The following MACF1 variants were observed in gnomAD, a reference collection of about 807,000 sequenced individuals.
MACF1 encodes the protein microtubule actin crosslinking factor 1.
In MACF1, 193 loss-of-function variants were observed where a neutral mutation model predicts 854.8. The observed-to-expected ratio is 0.23, with a 90% CI of 0.20 to 0.25. The LOEUF (loss-of-function observed/expected upper bound fraction) is 0.25. Ranked by LOEUF, MACF1 falls within the 10% of genes least tolerant of loss-of-function variation. The pLI is 1.00. For missense variants in MACF1, 7,722 were observed against 8,929.1 expected (o/e 0.86, Z 5.45); for synonymous variants, 3,185 against 3,226.7 (o/e 0.99, Z 0.44).
rs115925858 is a variant in MACF1, at chr1:39,210,562, T to C, written c.109+5431T>C. 5.0e-3 allele frequency among the ~76,000 whole-genome samples: 765 copies of C among 152,256 alleles called. 5 individuals carry two copies. Among genetic ancestry groups the C allele is most frequent in the African/African-American group, 0.018 (731 of 41,554 alleles). On this transcript the variant is annotated intron_variant, in intron 1 of 100. Coordinates refer to ENST00000564288, the MANE Select transcript of MACF1 (RefSeq NM_001394062.1). ...TTGTATGGTGTAGTAGAAAAACCAC[T>C]TAACTTGGAATCAGAAGATCTAGGC... is the stretch of plus-strand genomic sequence containing the variant.
intron 38 of MACF1, 48 bp from the exon 39 acceptor site, chr1:39,340,454 A>C: frequency 7.3e-7 from 1 of 1,362,038 alleles, no homozygotes; most frequent in Non-Finnish European, 1.0e-6. Flanking sequence ...TGATTCCCAG[A>C]GGGTTTCTAG....
At chr1:39,458,137 C>G in intron 89 of MACF1, 3 of 433,250 alleles carry the variant, frequency 6.9e-6, no homozygotes, top group Non-Finnish European at 1.2e-5. Context: ...CCCCATAACT[C>G]AATCACATCC....
In MACF1 at chr1:39,381,381, G is replaced by C. The variant is rs866599323; in HGVS notation, c.13649-572G>C. On this transcript the variant is annotated intron_variant, in intron 55 of 100. Coordinates refer to ENST00000564288, the MANE Select transcript of MACF1 (RefSeq NM_001394062.1). ...CTTTTTTTTTTTTTTTTTTTTTTGG[G>C]GGGGGGGACAGGGTCTTGCTCTGTC... 4.3e-3 allele frequency among the ~76,000 whole-genome samples: 606 copies of C among 141,274 alleles called. 4 individuals carry two copies. Among genetic ancestry groups the C allele is most frequent in the African/African-American group, 0.015 (573 of 37,374 alleles). The allele number at this position is 141,274 out of a possible 152,430, so 92.7% of individuals were successfully genotyped here. A position where few individuals can be genotyped will look rare whatever the true frequency, so the allele number is the denominator to read the frequency against.
chr1:39,405,146 T>C (rs779524242), intron 58 of MACF1, among the ~76,000 whole-genome samples: 1 of 152,166 alleles, frequency 6.6e-6, no homozygotes, highest in Non-Finnish European at 1.5e-5. Context: ...AGCATCAAAA[T>C]CCTTAGTATC....
chr1:39,118,801 C>T (rs930402824), intron 2 of MACF1, among the ~76,000 whole-genome samples: 1 of 152,164 alleles, frequency 6.6e-6, no homozygotes, highest in African/African-American at 2.4e-5. Flanking sequence ...GTATTTGTTG[C>T]TGTCGTTAGT....
chr1:39,234,187 T>C (rs1172905804), intron 2 of MACF1, among the ~76,000 whole-genome samples: 1 of 151,778 alleles, frequency 6.6e-6, no homozygotes, highest in African/African-American at 2.4e-5. Context: ...CCATGTCTAC[T>C]TCTTTCTACA....
At chr1:39,200,257 A>G (rs1644372909), upstream of MACF1, among the ~76,000 whole-genome samples, 2 of 152,186 alleles carry the variant, frequency 1.3e-5, no homozygotes, top group African/African-American at 4.8e-5. Flanking sequence ...GTCTCCCTCT[A>G]ATCCACTGAA....
intron 2 of MACF1, among the ~76,000 whole-genome samples, chr1:39,153,114 C>G (rs564243559): frequency 6.6e-6 from 1 of 152,192 alleles, no homozygotes; most frequent in Admixed American, 6.5e-5. Flanking sequence ...CTCTGTTACA[C>G]CTGACTGTTT....
intron 1 of MACF1, among the ~76,000 whole-genome samples, chr1:39,219,456 G>C (rs989259558): frequency 6.6e-6 from 1 of 152,150 alleles, no homozygotes; most frequent in East Asian, 1.9e-4. Context: ...AATGAGATAA[G>C]CCTCAAACAG....
chr1:39,099,698 C>T lies in MACF1; in HGVS notation c.220+15260C>T, dbSNP rs1455943883. On this transcript the variant is annotated intron_variant, in intron 2 of 93. Coordinates refer to the MACF1 transcript ENST00000361689. ...TCAGATCTGGCTCCCTCCCCCAACCCCCATAACAGTTCAATGAGGCATCCA... is the reference window on the plus strand; with the variant it reads ...TCAGATCTGGCTCCCTCCCCCAACCTCCATAACAGTTCAATGAGGCATCCA... Among the ~76,000 whole-genome samples the T allele has an allele frequency of 2.6e-5, 4 of 152,200 alleles. No individual in the cohort carries two copies. In the East Asian group the frequency reaches 7.7e-4, roughly 29 times the overall value.
At chr1:39,122,788 A>G (rs1642749841) in intron 2 of MACF1, among the ~76,000 whole-genome samples, 1 of 152,196 alleles carries the variant, frequency 6.6e-6, no homozygotes, top group Admixed American at 6.5e-5. Flanking sequence ...AGTTTATTCC[A>G]GAAGCATTCT....
intron 2 of MACF1, among the ~76,000 whole-genome samples, chr1:39,151,546 A>G (rs1385389788): frequency 6.6e-6 from 1 of 152,088 alleles, no homozygotes; most frequent in Non-Finnish European, 1.5e-5. Flanking sequence ...AGCCATATTA[A>G]ATTGAGTTGC....
At chr1:39,363,605 T>TTTCTTTCTTTC (rs533658096) in intron 49 of MACF1, among the ~76,000 whole-genome samples, 1 of 104,632 alleles carries the variant, frequency 9.6e-6, no homozygotes, top group East Asian at 3.5e-4. Flanking sequence ...TCTTTCTTTC[T>TTTCTTTCTTTC]TTTTTTTTTT....
chr1:39,234,475 A>C (rs1644828445), intron 2 of MACF1, among the ~76,000 whole-genome samples: 2 of 116,750 alleles, frequency 1.7e-5, no homozygotes, highest in Non-Finnish European at 3.5e-5. Flanking sequence ...GGAGCTCCTC[A>C]CTTCTCAGTA....
At chr1:39,439,187 A>G (rs1416529392) in intron 71 of MACF1, 87 bp from the exon 72 acceptor site, 1 of 606,504 alleles carries the variant, frequency 1.6e-6, no homozygotes, top group African/African-American at 1.8e-5. Flanking sequence ...TTCATTGAAA[A>G]GGTCAGAGTT....
At chr1:39,188,470 A>G (rs1644206929) in intron 2 of MACF1, among the ~76,000 whole-genome samples, 1 of 152,168 alleles carries the variant, frequency 6.6e-6, no homozygotes, top group Non-Finnish European at 1.5e-5. Context: ...GTTAACTGGT[A>G]TACTCCTAAT....
At chr1:39,438,243 C>G (rs537278933) in intron 71 of MACF1, among the ~76,000 whole-genome samples, 2 of 152,280 alleles carry the variant, frequency 1.3e-5, no homozygotes, top group Admixed American at 1.3e-4. Context: ...CTCCTTTAAC[C>G]CCTAACGTGA....
Position 39,331,814 on chromosome 1 carries a change from A to AT in MACF1, c.5226_5227insT (p.Gly1743TrpfsTer5). On this transcript the variant is annotated frameshift_variant, in exon 37 of 101. Coordinates refer to ENST00000564288, the MANE Select transcript of MACF1 (RefSeq NM_001394062.1). LOFTEE classifies it high-confidence loss of function. ...CAGGGGGGATGGTGAGCTTGAAATC[A>AT]GGCCGGAAGGTTAGCATTTTCCGTG... 1 of 1,614,160 alleles carries AT rather than the reference A, an allele frequency of 6.2e-7. No homozygotes were observed. Among genetic ancestry groups the AT allele is most frequent in the Non-Finnish European group, 8.5e-7 (1 of 1,180,032 alleles).
At chr1:39,436,016 T>C in intron 70 of MACF1, 1 of 482,390 alleles carries the variant, frequency 2.1e-6, no homozygotes. Flanking sequence ...AACTTTATGT[T>C]GTGATGATCC....
Sources: allele counts gnomAD v4.1 joint callset (sites outside exome capture counted in the v4.1 genomes callset), GRCh38; gene constraint gnomAD v4.1.1; transcripts MANE v1.5; gene names NCBI Gene and HGNC (gene_info 2026-07-23, HGNC 2026-07-21).